The following CACNA2D3 variants were observed in gnomAD, a reference collection of about 807,000 sequenced individuals.
CACNA2D3 encodes calcium voltage-gated channel auxiliary subunit alpha2delta 3.
Under a neutral mutation model 160.6 loss-of-function variants are expected in CACNA2D3, and 60 were observed. The observed-to-expected ratio is 0.37, with a 90% CI of 0.30 to 0.46. The LOEUF (loss-of-function observed/expected upper bound fraction) is 0.46. CACNA2D3 is among the 20% of genes least tolerant of loss of function. The pLI is 1.00. For synonymous variants in CACNA2D3, 558 were observed against 492.9 expected (o/e 1.13, Z -1.75); for missense variants, 1,205 against 1,365.0 (o/e 0.88, Z 1.85).
At chr3:54,443,763 A>G (rs1700179391) in intron 4 of CACNA2D3, among the ~76,000 whole-genome samples, 1 of 152,208 alleles carries the variant, frequency 6.6e-6, no homozygotes, top group Non-Finnish European at 1.5e-5. Flanking sequence ...GAATGCAGAT[A>G]GAAAAACTTG....
intron 3 of CACNA2D3, among the ~76,000 whole-genome samples, chr3:54,341,793 T>C (rs981724687): frequency 6.6e-5 from 10 of 152,208 alleles, no homozygotes; most frequent in Admixed American, 2.0e-4. Flanking sequence ...TGTATGTAAC[T>C]AACTGCACTC....
At chr3:54,846,323 G>T (rs924908108) in intron 16 of CACNA2D3, 70 bp from the exon 17 acceptor site, 1 of 923,498 alleles carries the variant, frequency 1.1e-6, no homozygotes. Context: ...TAAATGCCGG[G>T]CTGCTTTATG....
intron 17 of CACNA2D3, among the ~76,000 whole-genome samples, chr3:54,848,099 C>G (rs1249732886): frequency 1.3e-5 from 2 of 152,218 alleles, no homozygotes; most frequent in Admixed American, 1.3e-4. Flanking sequence ...ACAGTCGACT[C>G]ACAATGTGAA....
chr3:54,713,783 G>A (rs553645731), intron 11 of CACNA2D3, among the ~76,000 whole-genome samples: 44 of 152,280 alleles, frequency 2.9e-4, no homozygotes, highest in African/African-American at 9.6e-4. Flanking sequence ...CTGCCTGGCT[G>A]GGGCTAAGGA....
At chr3:54,772,428 C>G (rs1351945785) in intron 13 of CACNA2D3, among the ~76,000 whole-genome samples, 3 of 151,996 alleles carry the variant, frequency 2.0e-5, no homozygotes, top group African/African-American at 7.3e-5. Flanking sequence ...AAAAGTTTAG[C>G]TGTGAACAGA....
chr3:54,123,595 G>C lies in CACNA2D3; in HGVS notation c.204+1G>C. 1 of 1,612,944 alleles carries C rather than the reference G, an allele frequency of 6.2e-7. No individual in the cohort carries two copies. Reference sequence around the variant, plus strand: ...CTCCGGTTCCCAGCTTCTGCAAAAGGTAAGGTTTCTGTGGTGGCAGGAAGC... The same window carrying C: ...CTCCGGTTCCCAGCTTCTGCAAAAGCTAAGGTTTCTGTGGTGGCAGGAAGC... On this transcript the variant is annotated splice_donor_variant, in intron 2 of 37. Coordinates refer to ENST00000474759, the MANE Select transcript of CACNA2D3 (RefSeq NM_018398.3). LOFTEE classifies it high-confidence loss of function.
intron 4 of CACNA2D3, among the ~76,000 whole-genome samples, chr3:54,464,824 C>T (rs936699899): frequency 5.3e-5 from 8 of 152,214 alleles, no homozygotes; most frequent in South Asian, 2.1e-4. Flanking sequence ...GAGATGAACC[C>T]GGTACCTCAG....
intron 37 of CACNA2D3, 106 bp downstream of exon 37, chr3:55,073,965 T>A: frequency 8.9e-7 from 1 of 1,121,182 alleles, no homozygotes; most frequent in South Asian, 1.3e-5. Context: ...GAGAAAATAA[T>A]CCCTTTCATT....
At chr3:54,666,994 C>A (rs191169394) in intron 11 of CACNA2D3, among the ~76,000 whole-genome samples, 1 of 152,306 alleles carries the variant, frequency 6.6e-6, no homozygotes, top group Admixed American at 6.5e-5. Flanking sequence ...GGTCGATTTT[C>A]CTCCTGTCAG....
intron 2 of CACNA2D3, among the ~76,000 whole-genome samples, chr3:54,298,466 G>A (rs1703388960): frequency 6.6e-6 from 1 of 152,200 alleles, no homozygotes; most frequent in South Asian, 2.1e-4. Flanking sequence ...ACTTTGCAGT[G>A]AGTTTACTCA....
chr3:54,709,439 A>G (rs566502351), intron 11 of CACNA2D3, among the ~76,000 whole-genome samples: 119 of 151,300 alleles, frequency 7.9e-4, no homozygotes, highest in African/African-American at 2.6e-3. Flanking sequence ...TCGATTCACT[A>G]AAGCCTTAGC....
intron 4 of CACNA2D3, among the ~76,000 whole-genome samples, chr3:54,500,771 A>G (rs1344108435): frequency 4.6e-5 from 7 of 152,130 alleles, no homozygotes; most frequent in Admixed American, 2.0e-4. Context: ...TTTACAACTA[A>G]TTTAAGTCCA....
Position 54,409,761 on chromosome 3 carries a change from TA to T in CACNA2D3, c.381+22989del, listed in dbSNP as rs555085674. Reference sequence around the variant, plus strand: ...CACAATACTTCCTTAAGCCAAAGCCTAATTTGGAGCAAGGCCCTTACTCTTT... The same window carrying T: ...CACAATACTTCCTTAAGCCAAAGCCTATTTGGAGCAAGGCCCTTACTCTTT... On this transcript the variant is annotated intron_variant, in intron 4 of 37. Transcript: ENST00000474759. Among the ~76,000 whole-genome samples, 245 of 152,310 alleles carry T rather than the reference TA, an allele frequency of 1.6e-3. 1 individual carries two copies. The highest frequency in any genetic ancestry group is 5.6e-3 in the African/African-American group (234 of 41,558).
chr3:54,585,194 C>A (rs182181575), intron 9 of CACNA2D3, among the ~76,000 whole-genome samples: 1 of 152,094 alleles, frequency 6.6e-6, no homozygotes, highest in African/African-American at 2.4e-5. Context: ...TGATGTGATA[C>A]CCAATGTTTA....
intron 27 of CACNA2D3, among the ~76,000 whole-genome samples, chr3:54,950,417 C>A (rs556244742): frequency 6.6e-6 from 1 of 152,274 alleles, no homozygotes; most frequent in South Asian, 2.1e-4. Context: ...TTTTAGGGAA[C>A]CTGTGTATGC....
At chr3:55,026,913 A>G (rs1377524903) in intron 35 of CACNA2D3, among the ~76,000 whole-genome samples, 1 of 152,208 alleles carries the variant, frequency 6.6e-6, no homozygotes, top group African/African-American at 2.4e-5. Flanking sequence ...GCCTCTTGAA[A>G]CAGAAACTCC....
Position 54,969,955 on chromosome 3 carries a change from T to A in CACNA2D3, c.2556+111T>A, listed in dbSNP as rs895702009. On this transcript the variant is annotated intron_variant, in intron 29 of 37. Transcript: ENST00000474759. Reference sequence around the variant, plus strand: ...ACAAGGCCAGGTTGACGCATTGTACTGGGCCAATCTAAAAAAAAAAAAATC... The same window carrying A: ...ACAAGGCCAGGTTGACGCATTGTACAGGGCCAATCTAAAAAAAAAAAAATC... The A allele has an allele frequency of 1.5e-4, 110 of 750,176 alleles. 1 individual carries two copies. In the East Asian group the frequency reaches 3.3e-3, roughly 23 times the overall value. The allele number at this position is 750,176 out of a possible 1,614,324, so 46.5% of individuals were successfully genotyped here.
intron 13 of CACNA2D3, among the ~76,000 whole-genome samples, chr3:54,809,281 TTCTC>T (rs1316844252): frequency 1.4e-5 from 2 of 144,134 alleles, no homozygotes; most frequent in South Asian, 2.2e-4. Context: ...TATCTCTTTC[TTCTC>T]TCTTTCTTTC....
intron 2 of CACNA2D3, among the ~76,000 whole-genome samples, chr3:54,210,808 TAA>T (rs1418131018): frequency 6.6e-6 from 1 of 152,174 alleles, no homozygotes; most frequent in African/African-American, 2.4e-5. Flanking sequence ...GTGCTGAGAC[TAA>T]GAGTCAGGCA....
Sources: allele counts gnomAD v4.1 joint callset (sites outside exome capture counted in the v4.1 genomes callset), GRCh38; gene constraint gnomAD v4.1.1; transcripts MANE v1.5; gene names NCBI Gene and HGNC (gene_info 2026-07-23, HGNC 2026-07-21).